The following SNTG1 variants were observed in gnomAD, a reference collection of about 807,000 sequenced individuals.
The protein encoded by SNTG1 is syntrophin gamma 1.
In SNTG1, 39 loss-of-function variants were observed where a neutral mutation model predicts 74.7. The ratio of observed to expected loss-of-function variants is 0.52; its 90% CI spans 0.40 to 0.68. The LOEUF (loss-of-function observed/expected upper bound fraction) is 0.68. Ranked by LOEUF, SNTG1 falls within the 30% of genes least tolerant of loss-of-function variation. The pLI is 0.00. For synonymous variants in SNTG1, 254 were observed against 217.1 expected (o/e 1.17, Z -1.49); for missense variants, 685 against 609.5 (o/e 1.12, Z -1.30).
rs146485375 is a variant in SNTG1, at chr8:50,648,351, C to T, written c.850-8558C>T. ...TCAAATGTCATAGTCTTAAGAGTCT[C>T]GAACATATTCTTTTTTGTGATTATG... On this transcript the variant is annotated intron_variant, in intron 13 of 18. Coordinates refer to ENST00000642720, the MANE Select transcript of SNTG1 (RefSeq NM_018967.5). Among the ~76,000 whole-genome samples, 236 of 152,138 alleles carry T rather than the reference C, an allele frequency of 1.6e-3. 2 individuals carry two copies. The highest frequency in any genetic ancestry group is 0.01 in the Middle Eastern group (3 of 294).
At chr8:50,213,866 C>T (rs113606288) in intron 2 of SNTG1, among the ~76,000 whole-genome samples, 10,764 of 151,236 alleles carry the variant, frequency 0.071, 1,248 homozygotes, top group African/African-American at 0.25. Flanking sequence ...AAATTTTCTC[C>T]CATTTTGTAG....
chr8:50,149,712 C>A (rs982420330), intron 1 of SNTG1, among the ~76,000 whole-genome samples: 1 of 152,016 alleles, frequency 6.6e-6, no homozygotes, highest in Non-Finnish European at 1.5e-5. Flanking sequence ...AGATGTGTGG[C>A]ATTATTTCTG....
At chr8:50,258,896 T>C (rs2087014052) in intron 2 of SNTG1, among the ~76,000 whole-genome samples, 1 of 152,118 alleles carries the variant, frequency 6.6e-6, no homozygotes, top group Non-Finnish European at 1.5e-5. Flanking sequence ...TAAAACATAG[T>C]AGTTGAAAAT....
chr8:49,958,874 C>T (rs1810426877), intron 1 of SNTG1, among the ~76,000 whole-genome samples: 1 of 152,114 alleles, frequency 6.6e-6, no homozygotes, highest in South Asian at 2.1e-4. Flanking sequence ...CCATTTGGGT[C>T]CCCAAAGCAA....
intron 2 of SNTG1, among the ~76,000 whole-genome samples, chr8:50,344,956 A>G (rs925072923): frequency 1.3e-5 from 2 of 152,212 alleles, no homozygotes; most frequent in Admixed American, 1.3e-4. Flanking sequence ...GACATACAAA[A>G]GAATAGCAGG....
chr8:50,762,722 T>G (rs551769915), intron 18 of SNTG1: 1 of 483,508 alleles, frequency 2.1e-6, no homozygotes, highest in South Asian at 1.5e-5. Context: ...AGTCTTGTGC[T>G]TGCCTCCCTT....
intron 9 of SNTG1, among the ~76,000 whole-genome samples, chr8:50,513,507 C>G (rs2094103831): frequency 6.6e-6 from 1 of 152,244 alleles, no homozygotes; most frequent in East Asian, 1.9e-4. Flanking sequence ...ATGCCCTGCC[C>G]CCAGTGGCGG....
chr8:50,176,113 A>G (rs1453909497), intron 2 of SNTG1, among the ~76,000 whole-genome samples: 1 of 152,058 alleles, frequency 6.6e-6, no homozygotes, highest in Non-Finnish European at 1.5e-5. Flanking sequence ...TAACATTTTA[A>G]TACATAGTTT....
chr8:50,009,371 G>A lies in SNTG1; in HGVS notation c.-103+97140G>A, dbSNP rs933422595. On this transcript the variant is annotated intron_variant, in intron 1 of 18. Transcript: ENST00000642720. ...TACTCTTACGGGAATTATTTGGGTAGACTGGACTACCTTTTCTCTGGGTCT... is the reference window on the plus strand; with the variant it reads ...TACTCTTACGGGAATTATTTGGGTAAACTGGACTACCTTTTCTCTGGGTCT... 5.9e-5 allele frequency among the ~76,000 whole-genome samples: 9 copies of A among 152,138 alleles called. No homozygotes were observed. In the East Asian group the frequency reaches 1.7e-3, roughly 29 times the overall value.
chr8:49,954,473 T>C (rs1395180098), intron 1 of SNTG1, among the ~76,000 whole-genome samples: 2 of 152,190 alleles, frequency 1.3e-5, no homozygotes, highest in Admixed American at 1.3e-4. Context: ...TTATAAGTCT[T>C]ATTCTGTGGC....
rs538553853 is a variant in SNTG1 at position 50,239,364 on chromosome 8, A to T, written c.-28+66729A>T. On this transcript the variant is annotated intron_variant, in intron 2 of 18. Coordinates refer to ENST00000642720, the MANE Select transcript of SNTG1 (RefSeq NM_018967.5). ...TTGTCTCACAGTTCTGCATGGCTGGAGAAGTCTCAGGAAACTTACAATCAT... is the reference window on the plus strand; with the variant it reads ...TTGTCTCACAGTTCTGCATGGCTGGTGAAGTCTCAGGAAACTTACAATCAT... Among the ~76,000 whole-genome samples the T allele has an allele frequency of 8.5e-5, 13 of 152,324 alleles. No individual in the cohort carries two copies. The South Asian group carries it at 2.5e-3, about 29-fold the overall frequency.
chr8:50,610,991 C>T (rs1236313833), intron 13 of SNTG1, among the ~76,000 whole-genome samples: 1 of 151,678 alleles, frequency 6.6e-6, no homozygotes, highest in East Asian at 1.9e-4. Flanking sequence ...AAAAATTAAA[C>T]TTTTAACTTA....
intron 17 of SNTG1, among the ~76,000 whole-genome samples, chr8:50,739,549 AATCC>A (rs1257895159): frequency 2.0e-5 from 3 of 152,030 alleles, no homozygotes; most frequent in Admixed American, 6.6e-5. Flanking sequence ...TTGACCCAGC[AATCC>A]ATTACTGGGT....
intron 1 of SNTG1, among the ~76,000 whole-genome samples, chr8:49,997,845 T>A (rs145058582): frequency 6.6e-6 from 1 of 152,184 alleles, no homozygotes; most frequent in Non-Finnish European, 1.5e-5. Flanking sequence ...GAGATTATGC[T>A]AAGAATACAA....
Position 50,733,259 on chromosome 8 carries a change from A to T in SNTG1, c.1285-18742A>T, listed in dbSNP as rs548653086. 3.3e-5 allele frequency among the ~76,000 whole-genome samples: 5 copies of T among 152,058 alleles called. No individual in the cohort carries two copies. In the East Asian group the frequency reaches 7.7e-4, roughly 24 times the overall value. ...TATCCATGCTGTTGCAAAGGGAAAG[A>T]TTTTATTCTTTTTTATGACCATGTA... is the stretch of plus-strand genomic sequence containing the variant. On this transcript the variant is annotated intron_variant, in intron 17 of 18. Transcript: ENST00000642720.
In SNTG1 at chr8:49,911,735, T is replaced by TGCAGCC; in HGVS notation, c.-598_-593dup. On this transcript the variant is annotated 5_prime_UTR_variant, in exon 1 of 19. Transcript: ENST00000642720. ...GATGGACAGCGTCTCCGGACTGAGCTGCAGCCACAGGGACGGAACTACGCT... is the reference window on the plus strand; with the variant it reads ...GATGGACAGCGTCTCCGGACTGAGCTGCAGCCGCAGCCACAGGGACGGAACTACGCT... 6.6e-6 allele frequency: 1 copy of TGCAGCC among 152,204 alleles called. No individual in the cohort carries two copies. The highest frequency in any genetic ancestry group is 1.5e-5 in the Non-Finnish European group (1 of 68,068). The allele number at this position is 152,204 out of a possible 1,614,324, so 9.4% of individuals were successfully genotyped here.
At position 50,218,933 on chromosome 8, in the gene SNTG1, A is replaced by G. The variant is rs1018098121; in HGVS notation, c.-28+46298A>G. Among the ~76,000 whole-genome samples the G allele has an allele frequency of 2.0e-5, 3 of 152,224 alleles. No homozygotes were observed. The South Asian group carries it at 6.2e-4, about 31-fold the overall frequency. ...AGCCTCCTTGATCCTCCATAGCCCA[A>G]GTATCTGCATTTAAATGGGCTTCAC... On this transcript the variant is annotated intron_variant, in intron 2 of 18. Coordinates refer to ENST00000642720, the MANE Select transcript of SNTG1 (RefSeq NM_018967.5).
At chr8:50,579,567 C>G (rs564386480) in intron 12 of SNTG1, among the ~76,000 whole-genome samples, 1 of 152,136 alleles carries the variant, frequency 6.6e-6, no homozygotes, top group African/African-American at 2.4e-5. Context: ...TCCAGGCCCC[C>G]CTGCTATGTG....
chr8:50,241,844 G>A (rs2086177349), intron 2 of SNTG1, among the ~76,000 whole-genome samples: 1 of 152,054 alleles, frequency 6.6e-6, no homozygotes, highest in Non-Finnish European at 1.5e-5. Flanking sequence ...AGAGTACGCA[G>A]GTAGAACTTG....
Sources: gnomAD v4.1 joint callset for allele counts (sites outside exome capture counted in the v4.1 genomes callset) on GRCh38, gnomAD v4.1.1 for gene constraint, MANE v1.5 for transcripts, NCBI Gene and HGNC (gene_info 2026-07-23, HGNC 2026-07-21) for gene names.